IKZF1: variants seen among roughly 807,000 people sequenced by gnomAD.
IKZF1 encodes the protein IKAROS family zinc finger 1, also known as DNA-binding protein Ikaros.
Under a neutral mutation model 51.7 loss-of-function variants are expected in IKZF1, and 10 were observed. The observed-to-expected ratio is 0.19, with a 90% CI of 0.12 to 0.33. IKZF1 has a LOEUF of 0.33. Among genes scored for constraint, IKZF1 ranks in the 10% least tolerant of loss-of-function variants. The pLI, the probability that IKZF1 is intolerant of heterozygous loss-of-function variation, is 1.00. For missense variants in IKZF1, 484 were observed against 707.5 expected, an observed-to-expected ratio of 0.68 and a Z score of 3.58; for synonymous variants, 280 against 282.3, an observed-to-expected ratio of 0.99 and a Z score of 0.08.
intron 3 of IKZF1, chr7:50,367,878 G>A: frequency 1.7e-6 from 1 of 601,436 alleles, no homozygotes; most frequent in Non-Finnish European, 2.9e-6. Context: ...TAGCAGATGA[G>A]TAGCTGAACA....
chr7:50,346,789 T>A (rs1800489108), intron 3 of IKZF1, among the ~76,000 whole-genome samples: 1 of 152,270 alleles, frequency 6.6e-6, no homozygotes, highest in Non-Finnish European at 1.5e-5. Flanking sequence ...TCACTGCCGT[T>A]AGTCTGAGAA....
chr7:50,391,939 G>C (rs182416303), intron 7 of IKZF1, 76 bp downstream of exon 7: 5 of 1,460,360 alleles, frequency 3.4e-6, no homozygotes, highest in Admixed American at 2.5e-5. Flanking sequence ...ATGAGTTGAG[G>C]GTGGAAGAAA....
intron 2 of IKZF1, among the ~76,000 whole-genome samples, chr7:50,323,049 AAAG>A (rs1283041387): frequency 2.0e-5 from 3 of 152,230 alleles, no homozygotes; most frequent in Non-Finnish European, 4.4e-5. Flanking sequence ...CTGCTTACGT[AAAG>A]AAGGTTTGTA....
chr7:50,355,945 G>C (rs1406672671), intron 3 of IKZF1, among the ~76,000 whole-genome samples: 3 of 152,168 alleles, frequency 2.0e-5, no homozygotes, highest in African/African-American at 2.4e-5. Context: ...CAACTTCCAC[G>C]CTCCTTCAGT....
intron 6 of IKZF1, 44 bp downstream of exon 6, chr7:50,387,514 C>G (rs889357774): frequency 3.0e-5 from 47 of 1,570,048 alleles, no homozygotes; most frequent in Non-Finnish European, 4.0e-5. Flanking sequence ...GCTCTCCCCC[C>G]AGCACGGTGG....
intron 2 of IKZF1, 162 bp from the exon 3 acceptor site, chr7:50,327,476 A>T: frequency 1.4e-6 from 1 of 726,082 alleles, no homozygotes; most frequent in South Asian, 2.4e-5. Flanking sequence ...GGGAGAAGTG[A>T]CTTTTTTTAT....
At chr7:50,306,224 A>C (rs1347778126) in intron 1 of IKZF1, among the ~76,000 whole-genome samples, 1 of 152,252 alleles carries the variant, frequency 6.6e-6, no homozygotes, top group Non-Finnish European at 1.5e-5. Flanking sequence ...TGTCACATTA[A>C]AAATACTACA....
At chr7:50,375,033 G>A (rs1305057024) in intron 3 of IKZF1, among the ~76,000 whole-genome samples, 1 of 151,816 alleles carries the variant, frequency 6.6e-6, no homozygotes, top group Non-Finnish European at 1.5e-5. Flanking sequence ...TCTGGGTTGA[G>A]CCTGAGAGTC....
rs1818454156 is a variant in IKZF1 at position 50,403,290 on chromosome 7, C to G, written c.*2663C>G. ...CATGTACCAAAAGTTGCTGAAGTTT[C>G]TCTTCTAGCTGGTAAAGTAGGAGTT... On this transcript the variant is annotated 3_prime_UTR_variant, in exon 8 of 8. Transcript: ENST00000331340. 4.5e-6 allele frequency: 1 copy of G among 222,746 alleles called. No individual in the cohort carries two copies. The highest frequency in any genetic ancestry group is 5.7e-5 in the Admixed American group (1 of 17,404). The allele number at this position is 222,746 out of a possible 1,614,324, so 13.8% of individuals were successfully genotyped here. A position where few individuals can be genotyped will look rare whatever the true frequency, so the allele number is the denominator to read the frequency against.
At chr7:50,303,616 C>A (rs773569697), upstream of IKZF1, among the ~76,000 whole-genome samples, 5 of 152,074 alleles carry the variant, frequency 3.3e-5, no homozygotes, top group Non-Finnish European at 5.9e-5. This position sits in a 1 kb window ranked among gnomAD's most constrained non-coding sequence, Gnocchi z 4.7. Flanking sequence ...CCCACCCCCT[C>A]GGGTGGGCAC....
chr7:50,315,559 G>A (rs557680482), intron 1 of IKZF1, among the ~76,000 whole-genome samples: 9 of 152,358 alleles, frequency 5.9e-5, no homozygotes, highest in Admixed American at 5.9e-4. Context: ...AATTGCACAG[G>A]TAAAAGGTAG....
intron 3 of IKZF1, among the ~76,000 whole-genome samples, chr7:50,342,778 C>CCG (rs1164860966): frequency 6.6e-6 from 1 of 152,128 alleles, no homozygotes; most frequent in Non-Finnish European, 1.5e-5. Context: ...TGAATCTGCT[C>CCG]CGCAGTGTGC....
chr7:50,382,024 GTTA>G (rs1811984688), intron 4 of IKZF1, among the ~76,000 whole-genome samples: 1 of 152,222 alleles, frequency 6.6e-6, no homozygotes, highest in South Asian at 2.1e-4. Flanking sequence ...ATGAAAAGAA[GTTA>G]TTATAACTGT....
intron 4 of IKZF1, among the ~76,000 whole-genome samples, chr7:50,381,201 G>A (rs534145567): frequency 2.3e-4 from 35 of 152,190 alleles, no homozygotes; most frequent in Non-Finnish European, 4.9e-4. Context: ...TGCCAGATAT[G>A]CTTCTGTGTA....
At chr7:50,331,138 T>A (rs1365066823) in intron 3 of IKZF1, among the ~76,000 whole-genome samples, 1 of 152,054 alleles carries the variant, frequency 6.6e-6, no homozygotes, top group Non-Finnish European at 1.5e-5. Flanking sequence ...GAAATGCAAC[T>A]TGTGCAAAAT....
At position 50,399,965 on chromosome 7, in the gene IKZF1, GAGA is replaced by G. The variant is rs1445699305; in HGVS notation, c.901_903del (p.Lys301del). The G allele has an allele frequency of 3.1e-6, 5 of 1,613,396 alleles. No homozygotes were observed. The highest frequency in any genetic ancestry group is 2.2e-5 in the East Asian group (1 of 44,884). ...GCCCTACGACAGCAGCGCCAGCTAC[GAGA>G]AGGAGAACGAAATGATGAAGTCCCA... On this transcript the variant is annotated inframe_deletion, in exon 8 of 8. Coordinates refer to ENST00000331340, the MANE Select transcript of IKZF1 (RefSeq NM_006060.6).
At chr7:50,353,984 G>A (rs555387245) in intron 3 of IKZF1, among the ~76,000 whole-genome samples, 1 of 152,342 alleles carries the variant, frequency 6.6e-6, no homozygotes, top group East Asian at 1.9e-4. Context: ...TTGGAATGAT[G>A]TCAGAACATA....
upstream of IKZF1, chr7:50,304,182 A>C (rs908734350): frequency 6.7e-6 from 1 of 149,166 alleles, no homozygotes; most frequent in East Asian, 2.0e-4. Context: ...CGCGATTGCA[A>C]AGTTTTCGTG....
chr7:50,392,248 A>T (rs1209176667), intron 7 of IKZF1, among the ~76,000 whole-genome samples: 7 of 152,170 alleles, frequency 4.6e-5, no homozygotes, highest in African/African-American at 1.7e-4. Flanking sequence ...CTCATTTTTC[A>T]TATGAAGCTC....
Sources: allele counts gnomAD v4.1 joint callset (sites outside exome capture counted in the v4.1 genomes callset), GRCh38; gene constraint gnomAD v4.1.1; non-coding constraint Gnocchi (gnomAD v3.1); transcripts MANE v1.5; gene names NCBI Gene and HGNC (gene_info 2026-07-23, HGNC 2026-07-21).